The following B3GALT1 variants were observed in gnomAD, a reference collection of about 807,000 sequenced individuals.
B3GALT1 encodes beta-1,3-galactosyltransferase 1.
A neutral mutation model predicts 23.2 loss-of-function variants in B3GALT1; 10 were observed. The observed-to-expected ratio is 0.43, with a 90% CI of 0.27 to 0.73. B3GALT1 has a LOEUF of 0.73. B3GALT1 is among the 30% of genes least tolerant of loss of function. The pLI is 0.21. For synonymous variants in B3GALT1, 156 were observed against 141.5 expected, an observed-to-expected ratio of 1.10 and a Z score of -0.73; for missense variants, 299 against 405.4, an observed-to-expected ratio of 0.74 and a Z score of 2.25.
intron 2 of B3GALT1, among the ~76,000 whole-genome samples, chr2:167,580,984 G>A (rs6739963): frequency 0.056 from 8,520 of 152,140 alleles, 609 homozygotes; most frequent in African/African-American, 0.16. Context: ...GGCCTCTTAA[G>A]TCTTTTGTTA....
intron 1 of B3GALT1, among the ~76,000 whole-genome samples, chr2:167,406,898 A>C (rs1234840525): frequency 2.6e-5 from 4 of 152,174 alleles, no homozygotes; most frequent in Non-Finnish European, 2.9e-5. Flanking sequence ...TACTTCAGTA[A>C]TTTACTAGTG....
intron 2 of B3GALT1, among the ~76,000 whole-genome samples, chr2:167,599,406 C>T (rs1027029122): frequency 6.6e-6 from 1 of 152,080 alleles, no homozygotes; most frequent in Non-Finnish European, 1.5e-5. Flanking sequence ...AAACAGATCA[C>T]ATTTCTGGTT....
Position 167,869,340 on chromosome 2 carries a change from TG to T in B3GALT1, c.307del (p.Asp103MetfsTer10), listed in dbSNP as rs767927493. 1 of 1,614,046 alleles carries T rather than the reference TG, an allele frequency of 6.2e-7. No individual in the cohort carries two copies. On this transcript the variant is annotated frameshift_variant, in exon 5 of 5. Transcript: ENST00000392690. LOFTEE classifies it high-confidence loss of function. The surrounding 1 kb of genome is among the most constrained non-coding windows in gnomAD (Gnocchi z 6.4). ...TGCCCGTCAGGCAATCAGAGAGACG[TG>T]GGGGGATGAGAACAACTTTAAGGGG... ...FDARQAIRET[W>X]GDENNFKGIK...
At chr2:167,422,490 A>T (rs1039674249) in intron 1 of B3GALT1, among the ~76,000 whole-genome samples, 14 of 152,224 alleles carry the variant, frequency 9.2e-5, no homozygotes, top group Non-Finnish European at 4.4e-5. Context: ...ATGGTTACAT[A>T]GTCAGGATTT....
intron 1 of B3GALT1, among the ~76,000 whole-genome samples, chr2:167,388,116 G>A (rs779416190): frequency 6.6e-6 from 1 of 152,184 alleles, no homozygotes; most frequent in Non-Finnish European, 1.5e-5. Context: ...AGAGATGGAG[G>A]AGACCTTCGG....
chr2:167,652,191 T>G (rs1574191422), intron 3 of B3GALT1, among the ~76,000 whole-genome samples: 1 of 152,088 alleles, frequency 6.6e-6, no homozygotes, highest in South Asian at 2.1e-4. Flanking sequence ...TACCAACAGC[T>G]AAGAACACAG....
chr2:167,728,486 T>C (rs548952497), intron 3 of B3GALT1, among the ~76,000 whole-genome samples: 4 of 152,214 alleles, frequency 2.6e-5, no homozygotes, highest in Non-Finnish European at 5.9e-5. Context: ...TAAATATATA[T>C]GGCTATACCA....
chr2:167,388,597 G>A (rs947428612), intron 1 of B3GALT1, among the ~76,000 whole-genome samples: 3 of 152,106 alleles, frequency 2.0e-5, no homozygotes, highest in African/African-American at 7.2e-5. Flanking sequence ...GTGCTTAATA[G>A]CAAGGAAAAA....
chr2:167,830,926 C>G (rs1310875714), intron 4 of B3GALT1, among the ~76,000 whole-genome samples: 2 of 152,190 alleles, frequency 1.3e-5, no homozygotes, highest in African/African-American at 4.8e-5. Context: ...CACTGCACAC[C>G]AGTTGTAAGA....
intron 1 of B3GALT1, among the ~76,000 whole-genome samples, chr2:167,471,643 A>G (rs1158696971): frequency 1.3e-5 from 2 of 152,222 alleles, no homozygotes; most frequent in African/African-American, 4.8e-5. Flanking sequence ...AATTACTTAT[A>G]AGATTATTCA....
chr2:167,449,344 G>A (rs1699052629), intron 1 of B3GALT1, among the ~76,000 whole-genome samples: 1 of 151,714 alleles, frequency 6.6e-6, no homozygotes, highest in Non-Finnish European at 1.5e-5. Flanking sequence ...TTTGTTTGTT[G>A]TTTGTTTTTG....
At chr2:167,663,868 G>C (rs1686119922) in intron 3 of B3GALT1, among the ~76,000 whole-genome samples, 1 of 151,978 alleles carries the variant, frequency 6.6e-6, no homozygotes, top group African/African-American at 2.4e-5. Context: ...TTAGCCCTTT[G>C]TCAGATGAGT....
intron 1 of B3GALT1, among the ~76,000 whole-genome samples, chr2:167,417,775 TG>T (rs1489499677): frequency 1.3e-5 from 2 of 152,300 alleles, no homozygotes; most frequent in South Asian, 2.1e-4. Context: ...TAATGGTCAT[TG>T]AAAGTATTAA....
rs573071019 is a variant in B3GALT1, at chr2:167,818,086, AG to A, written c.-351-584del. On this transcript the variant is annotated intron_variant, in intron 3 of 4. Transcript: ENST00000392690. The stretch of plus-strand genomic sequence containing the variant: ...AAGTTAAGATGTTGCAGAAGACCTT[AG>A]GTAAAAGCTGGCCATCCATGTGCCA... Among the ~76,000 whole-genome samples, 204 of 152,368 alleles carry A rather than the reference AG, an allele frequency of 1.3e-3. 1 individual carries two copies. The highest frequency in any genetic ancestry group is 4.4e-3 in the African/African-American group (183 of 41,596).
intron 4 of B3GALT1, among the ~76,000 whole-genome samples, chr2:167,833,401 T>G (rs1286497789): frequency 6.6e-6 from 1 of 152,088 alleles, no homozygotes; most frequent in Non-Finnish European, 1.5e-5. Flanking sequence ...AAAACAAAAA[T>G]AGAGGCACTA....
At chr2:167,410,220 G>A (rs1698369439) in intron 1 of B3GALT1, among the ~76,000 whole-genome samples, 1 of 152,040 alleles carries the variant, frequency 6.6e-6, no homozygotes, top group Non-Finnish European at 1.5e-5. Context: ...AGTGGGAGTT[G>A]TGGCCGGGTG....
chr2:167,616,105 G>A (rs1685157063), intron 2 of B3GALT1, among the ~76,000 whole-genome samples: 1 of 151,976 alleles, frequency 6.6e-6, no homozygotes, highest in Admixed American at 6.6e-5. Flanking sequence ...GAATACTTTA[G>A]TTTATAAATC....
At chr2:167,441,764 G>A (rs1253334071) in intron 1 of B3GALT1, among the ~76,000 whole-genome samples, 1 of 151,846 alleles carries the variant, frequency 6.6e-6, no homozygotes, top group Non-Finnish European at 1.5e-5. Context: ...AGGGGGGCAT[G>A]CACCTGTAGT....
chr2:167,447,852 G>A (rs911315520), intron 1 of B3GALT1, among the ~76,000 whole-genome samples: 5 of 152,198 alleles, frequency 3.3e-5, no homozygotes, highest in Non-Finnish European at 7.4e-5. Flanking sequence ...CTTGCTTGGT[G>A]GGCTGCATCC....
Sources: allele counts gnomAD v4.1 joint callset (sites outside exome capture counted in the v4.1 genomes callset), GRCh38; gene constraint gnomAD v4.1.1; non-coding constraint Gnocchi (gnomAD v3.1); transcripts MANE v1.5; gene names NCBI Gene and HGNC (gene_info 2026-07-23, HGNC 2026-07-21).